NBPF14: variants seen among roughly 807,000 people sequenced by gnomAD.
NBPF14 encodes NBPF family member NBPF14.
In NBPF14, 104 loss-of-function variants were observed where a neutral mutation model predicts 91.2. The observed-to-expected ratio is 1.14, with a 90% confidence interval of 0.97 to 1.34. The LOEUF is 1.34. Ranked by LOEUF, NBPF14 falls within the 40% of genes most tolerant of loss-of-function variation. The pLI, the probability that NBPF14 is intolerant of heterozygous loss-of-function variation, is 0.00. For synonymous variants in NBPF14, 294 were observed against 303.8 expected, an observed-to-expected ratio of 0.97 and a Z score of 0.34; for missense variants, 908 against 783.0, an observed-to-expected ratio of 1.16 and a Z score of -1.91.
Position 148,566,272 on chromosome 1 carries a change from G to A in NBPF14, c.3586C>T (p.Gln1196Ter), listed in dbSNP as rs1226837309. 8.9e-5 allele frequency: 59 copies of A among 660,816 alleles called. 7 individuals carry two copies. Among genetic ancestry groups the A allele is most frequent in the Non-Finnish European group, 1.5e-4 (54 of 369,736 alleles). The allele number at this position is 660,816 out of a possible 1,614,324, so 40.9% of individuals were successfully genotyped here. ...GAATAACATCTATCCAGTGAGTCCT[G>A]CAAGACTTCAGGCTCTACTACCTCC... The change falls in exon 29 of 71, where the codon CAG (glutamine) becomes TAG (stop). Residue 1196 changes from glutamine to a stop codon, truncating the protein, a stop_gained. Coordinates refer to ENST00000619423, the Ensembl canonical transcript of NBPF14. LOFTEE classifies it high-confidence loss of function.
intron 6 of NBPF14, among the ~76,000 whole-genome samples, chr1:148,590,245 G>T (rs1662261725): frequency 7.5e-6 from 1 of 134,026 alleles, no homozygotes; most frequent in East Asian, 2.0e-4. Flanking sequence ...TTTTAGTAAA[G>T]ATGGGGTTTC....
At chr1:148,572,680 G>C (rs1202071062) in intron 20 of NBPF14, 65 bp from the exon 21 acceptor site, 3 of 680,638 alleles carry the variant, frequency 4.4e-6, no homozygotes, top group East Asian at 2.6e-5. Context: ...GCCCCAGCTA[G>C]ATTTCATGGC....
At chr1:148,535,197 C>G (rs1432914515) in intron 68 of NBPF14, among the ~76,000 whole-genome samples, 4 of 149,836 alleles carry the variant, frequency 2.7e-5, no homozygotes, top group African/African-American at 1.0e-4. Flanking sequence ...AATAATTTTC[C>G]ATAAACTTGC....
chr1:148,534,466 G>A (rs1161507317), intron 69 of NBPF14, among the ~76,000 whole-genome samples: 4 of 151,734 alleles, frequency 2.6e-5, no homozygotes, highest in Admixed American at 6.6e-5. Flanking sequence ...GGGCGCCACA[G>A]GTATGGCCTG....
At chr1:148,533,413 G>A (rs1462104651) in intron 70 of NBPF14, among the ~76,000 whole-genome samples, 165 bp from the exon 71 acceptor site, 2 of 150,206 alleles carry the variant, frequency 1.3e-5, no homozygotes, top group South Asian at 4.2e-4. Context: ...GGATAGAACA[G>A]GGCCAGGTAG....
chr1:148,554,744 T>G, intron 43 of NBPF14, among the ~76,000 whole-genome samples: 1 of 148,216 alleles, frequency 6.7e-6, no homozygotes, highest in Non-Finnish European at 1.5e-5. Flanking sequence ...TTTTACACGC[T>G]GAAATTAGAG....
At chr1:148,575,662 A>G in exon 17 of NBPF14, 1 of 178,000 alleles carries the variant, frequency 5.6e-6, no homozygotes, top group Non-Finnish European at 1.0e-5. Flanking sequence ...AGCCAAGCCA[A>G]GGTACTGTTC....
chr1:148,535,988 A>T (rs1294788132), intron 67 of NBPF14, among the ~76,000 whole-genome samples: 17 of 150,446 alleles, frequency 1.1e-4, no homozygotes, highest in African/African-American at 3.2e-4. Context: ...ACATCTTGAG[A>T]GTAGGATTAG....
At chr1:148,533,716 T>C (rs1240827585) in intron 70 of NBPF14, 145 bp downstream of exon 70, 3 of 715,052 alleles carry the variant, frequency 4.2e-6, no homozygotes, top group Non-Finnish European at 7.5e-6. Flanking sequence ...CCTAAACATC[T>C]ACTGCAATGA....
chr1:148,534,157 T>A (rs1446791961), intron 69 of NBPF14, among the ~76,000 whole-genome samples, 188 bp from the exon 70 acceptor site: 3 of 148,108 alleles, frequency 2.0e-5, no homozygotes, highest in Admixed American at 7.0e-5. Flanking sequence ...TCCCAGAAAC[T>A]GTGGGTAAAA....
At chr1:148,592,908 G>A in intron 3 of NBPF14, 142 bp from the exon 4 acceptor site, 2 of 648,626 alleles carry the variant, frequency 3.1e-6, no homozygotes, top group East Asian at 3.0e-5. Context: ...AATGACTGTG[G>A]CCAAGAGAAA....
At chr1:148,533,583 G>T (rs1213796026) in intron 70 of NBPF14, among the ~76,000 whole-genome samples, 1 of 146,452 alleles carries the variant, frequency 6.8e-6, no homozygotes, top group Non-Finnish European at 1.5e-5. Flanking sequence ...TGAAAAGAGT[G>T]AGCTCAATAG....
exon 10 of NBPF14, chr1:148,585,206 G>T: frequency 6.3e-7 from 1 of 1,584,660 alleles, no homozygotes. Flanking sequence ...CGTCATCGTT[G>T]TCATTTTCTG....
chr1:148,577,503 G>C, intron 14 of NBPF14, 148 bp from the exon 15 acceptor site: 2 of 706,600 alleles, frequency 2.8e-6, no homozygotes, highest in South Asian at 1.5e-5. Context: ...CCTTTATGTT[G>C]GGATAGACTA....
chr1:148,571,159 G>A (rs1227582376), intron 22 of NBPF14, 122 bp from the exon 23 acceptor site: 8 of 44,204 alleles, frequency 1.8e-4, no homozygotes, highest in Non-Finnish European at 2.0e-4. Context: ...ATCCATTAAT[G>A]AGGTAACAAA....
intron 14 of NBPF14, 129 bp from the exon 15 acceptor site, chr1:148,577,484 A>G (rs1660044669): frequency 2.8e-6 from 2 of 705,498 alleles, no homozygotes; most frequent in African/African-American, 1.8e-5. Flanking sequence ...ATGAGGTAAC[A>G]AATTATTGCC....
chr1:148,592,863 G>C lies in NBPF14; in HGVS notation c.279-97C>G. 2.3e-6 allele frequency: 2 copies of C among 888,796 alleles called. 1 individual carries two copies. Among genetic ancestry groups the C allele is most frequent in the Non-Finnish European group, 3.3e-6 (2 of 612,274 alleles). 55.1% of individuals were successfully genotyped at this position (888,796 alleles called of 1,614,324 possible). On this transcript the variant is annotated intron_variant, in intron 3 of 70. Transcript: ENST00000619423. ...ACTTCTGAGACAATGTCATCAAGGA[G>C]ACCTCCAAGCAGAAGGTCAGCACAT...
At chr1:148,593,478 G>C in intron 3 of NBPF14, 120 bp downstream of exon 3, 1 of 659,942 alleles carries the variant, frequency 1.5e-6, no homozygotes, top group Non-Finnish European at 2.7e-6. Context: ...TCATGAGCCT[G>C]CCATGGCAAT....
intron 28 of NBPF14, among the ~76,000 whole-genome samples, 161 bp downstream of exon 28, chr1:148,566,791 C>T (rs1164690142): frequency 1.0e-5 from 1 of 95,526 alleles, no homozygotes; most frequent in African/African-American, 4.7e-5. Flanking sequence ...GAAATGGAAA[C>T]CTAAATATCT....
Sources: gnomAD v4.1 joint callset for allele counts (sites outside exome capture counted in the v4.1 genomes callset) on GRCh38, gnomAD v4.1.1 for gene constraint, MANE v1.5 for transcripts, NCBI Gene and HGNC (gene_info 2026-07-23, HGNC 2026-07-21) for gene names.